The following SLC28A1 variants were observed in gnomAD, a reference collection of about 807,000 sequenced individuals.
SLC28A1 encodes sodium/nucleoside cotransporter 1.
SLC28A1 carries 64 observed loss-of-function variants against 74.8 expected under a neutral mutation model. That is an observed-to-expected ratio of 0.86 (90% confidence interval 0.70 to 1.05). The LOEUF (loss-of-function observed/expected upper bound fraction) is 1.05, where lower values mean the gene tolerates loss of function less well. Ranked by LOEUF, SLC28A1 falls within the 50% of genes least tolerant of loss-of-function variation. The pLI is 0.00. For missense variants in SLC28A1, 828 were observed against 822.8 expected, an observed-to-expected ratio of 1.01 and a Z score of -0.08; for synonymous variants, 359 against 335.0, an observed-to-expected ratio of 1.07 and a Z score of -0.78.
chr15:84,919,744 C>A (rs2141903739), intron 10 of SLC28A1, among the ~76,000 whole-genome samples: 1 of 152,314 alleles, frequency 6.6e-6, no homozygotes, highest in South Asian at 2.1e-4. Context: ...ATCACCTCCT[C>A]AAGGTCATGC....
chr15:84,928,604 TTTCTTTCTTTCTTTTCTTTCTTTCTTTC>T (rs1970881576), intron 12 of SLC28A1, among the ~76,000 whole-genome samples: 1 of 12,182 alleles, frequency 8.2e-5, no homozygotes, highest in Non-Finnish European at 1.2e-4. Flanking sequence ...CTTTCTTTCT[TTTCTTTCTTTCTTTTCTTTCTTTCTTTC>T]TTTTTTTTTG....
At chr15:84,955,580 G>T in the SLC28A1 span, among the ~76,000 whole-genome samples, 8 of 152,306 alleles carry the variant, frequency 5.3e-5, no homozygotes, top group Non-Finnish European at 1.2e-4. Context: ...GGAAGACTGG[G>T]TTTCTTTGGT....
At chr15:84,926,950 T>G (rs978918717) in intron 12 of SLC28A1, among the ~76,000 whole-genome samples, 3 of 152,184 alleles carry the variant, frequency 2.0e-5, no homozygotes, top group Non-Finnish European at 4.4e-5. Flanking sequence ...CCATCTCTCC[T>G]TCACTCCGGA....
At chr15:84,961,530 G>T in the SLC28A1 span, 2 of 453,806 alleles carry the variant, frequency 4.4e-6, no homozygotes, top group Non-Finnish European at 8.8e-6. Context: ...TTGTAGAGAC[G>T]AGGTCTTGCT....
intron 6 of SLC28A1, among the ~76,000 whole-genome samples, chr15:84,896,846 C>G (rs751341478): frequency 2.6e-5 from 4 of 152,106 alleles, no homozygotes; most frequent in Non-Finnish European, 5.9e-5. Context: ...TTGGGAACAT[C>G]ATGCTCAGTG....
chr15:84,928,650 G>T (rs1311401133), intron 12 of SLC28A1, among the ~76,000 whole-genome samples: 2 of 129,726 alleles, frequency 1.5e-5, no homozygotes, highest in Non-Finnish European at 3.2e-5. Flanking sequence ...TTGAGACAGA[G>T]TCTCCCTCTG....
intron 15 of SLC28A1, among the ~76,000 whole-genome samples, chr15:84,936,233 G>A (rs192707976): frequency 4.9e-5 from 7 of 142,888 alleles, no homozygotes; most frequent in African/African-American, 1.8e-4. Flanking sequence ...GTGAGCCACT[G>A]CGCCCGGCTG....
intron 12 of SLC28A1, 46 bp downstream of exon 12, chr15:84,924,156 C>A (rs1449744687): frequency 3.7e-6 from 6 of 1,600,278 alleles, no homozygotes; most frequent in African/African-American, 2.7e-5. Flanking sequence ...GGACCTGAAG[C>A]CCATCTTTGT....
At chr15:84,922,042 C>T (rs556710159) in intron 11 of SLC28A1, among the ~76,000 whole-genome samples, 1 of 152,292 alleles carries the variant, frequency 6.6e-6, no homozygotes, top group African/African-American at 2.4e-5. Context: ...CCGGGGTCTA[C>T]GCCTCATTTC....
the SLC28A1 span, chr15:84,975,396 C>T: frequency 6.9e-6 from 3 of 431,892 alleles, no homozygotes; most frequent in Admixed American, 4.9e-5. Flanking sequence ...TCTTATTGCA[C>T]TTCTCAGAAC....
chr15:84,965,982 G>A, the SLC28A1 span, among the ~76,000 whole-genome samples: 2 of 152,152 alleles, frequency 1.3e-5, no homozygotes, highest in African/African-American at 2.4e-5. Flanking sequence ...ATAGAGAGGG[G>A]TCCTGAGCCT....
chr15:84,937,159 A>G (rs887035051), intron 15 of SLC28A1, among the ~76,000 whole-genome samples: 3 of 150,740 alleles, frequency 2.0e-5, no homozygotes, highest in Non-Finnish European at 3.0e-5. Flanking sequence ...TTTACTTAGT[A>G]TTACAACATA....
At chr15:84,920,302 C>A (rs1041603596) in intron 10 of SLC28A1, among the ~76,000 whole-genome samples, 1 of 152,056 alleles carries the variant, frequency 6.6e-6, no homozygotes, top group Non-Finnish European at 1.5e-5. Context: ...AAAAATTAGC[C>A]GGGCATGGTG....
chr15:84,944,235 G>T (rs759664699), intron 16 of SLC28A1, among the ~76,000 whole-genome samples: 1 of 152,256 alleles, frequency 6.6e-6, no homozygotes, highest in South Asian at 2.1e-4. Context: ...AGGAAACTGA[G>T]TCTTCATGAA....
the SLC28A1 span, chr15:84,975,605 C>A: frequency 2.2e-6 from 1 of 452,338 alleles, no homozygotes; most frequent in Non-Finnish European, 4.4e-6. Context: ...AAATGCTCTT[C>A]ATTTATTAAA....
In SLC28A1 at chr15:84,945,282, A is replaced by C; in HGVS notation, c.*82A>C. ...TCTGTCCCCACCTTCCCTTTCCCAG[A>C]GCCCTCTTCAGGGAAGCCACAGGAC... On this transcript the variant is annotated 3_prime_UTR_variant, in exon 19 of 19. Transcript: ENST00000394573. The C allele has an allele frequency of 7.5e-7, 1 of 1,332,864 alleles. No homozygotes were observed. Among genetic ancestry groups the C allele is most frequent in the South Asian group, 1.2e-5 (1 of 83,520 alleles). 82.6% of individuals were successfully genotyped at this position (1,332,864 alleles called of 1,614,324 possible). A position where few individuals can be genotyped will look rare whatever the true frequency, so the allele number is the denominator to read the frequency against.
the SLC28A1 span, among the ~76,000 whole-genome samples, chr15:84,953,168 C>T: frequency 2.0e-5 from 3 of 152,198 alleles, no homozygotes; most frequent in Non-Finnish European, 4.4e-5. Context: ...GTCATTATTT[C>T]AGTGTCAGCT....
chr15:84,897,258 C>T (rs369829769), intron 6 of SLC28A1, among the ~76,000 whole-genome samples: 63 of 150,168 alleles, frequency 4.2e-4, no homozygotes, highest in African/African-American at 1.2e-3. Context: ...TGGTGGTACG[C>T]GCCTGTAATT....
chr15:84,922,746 C>T lies in SLC28A1; in HGVS notation c.958-1239C>T, dbSNP rs62021447. Among the ~76,000 whole-genome samples the T allele has an allele frequency of 5.4e-3, 828 of 152,354 alleles. 6 individuals are homozygous for T. Among genetic ancestry groups the T allele is most frequent in the Non-Finnish European group, 8.9e-3 (608 of 68,042 alleles). ...GCCTCTGTCTCAGGCGGCTCCCCCG[C>T]GCCCATCTGCAGCAGACATGCTGAC... On this transcript the variant is annotated intron_variant, in intron 11 of 18. Transcript: ENST00000394573.
Sources: allele counts gnomAD v4.1 joint callset (sites outside exome capture counted in the v4.1 genomes callset), GRCh38; gene constraint gnomAD v4.1.1; transcripts MANE v1.5; gene names NCBI Gene and HGNC (gene_info 2026-07-23, HGNC 2026-07-21).